Variants in OXR1 observed in about 807,000 individuals in gnomAD.
OXR1 encodes oxidation resistance protein 1.
A neutral mutation model predicts 104.6 loss-of-function variants in OXR1; 41 were observed. The ratio of observed to expected loss-of-function variants is 0.39; its 90% CI spans 0.31 to 0.51. The LOEUF is 0.51. Ranked by LOEUF, OXR1 falls within the 20% of genes least tolerant of loss-of-function variation. The pLI, the probability that OXR1 is intolerant of heterozygous loss-of-function variation, is 0.77. For missense variants in OXR1, 955 were observed against 1,031.9 expected, an observed-to-expected ratio of 0.93 and a Z score of 1.02; for synonymous variants, 348 against 348.4, an observed-to-expected ratio of 1.00 and a Z score of 0.01.
chr8:106,746,898 A>G lies in OXR1; in HGVS notation c.2486+1036A>G, dbSNP rs147641921. Among the ~76,000 whole-genome samples the G allele has an allele frequency of 8.5e-5, 13 of 152,302 alleles. No homozygotes were observed. The East Asian group carries it at 2.3e-3, about 27-fold the overall frequency. ...TAGTGGCTTATAATTTCAAGATTTT[A>G]TGGGTGCTTTAAGTCTTCAAAAATG... is the stretch of plus-strand genomic sequence containing the variant. On this transcript the variant is annotated intron_variant, in intron 16 of 16. Coordinates refer to ENST00000517566, the MANE Select transcript of OXR1 (RefSeq NM_001198533.2).
At chr8:106,710,287 TTATATA>T (rs551404717) in intron 9 of OXR1, among the ~76,000 whole-genome samples, 1 of 150,100 alleles carries the variant, frequency 6.7e-6, no homozygotes, top group African/African-American at 2.4e-5. Context: ...ATGTAGAAAA[TTATATA>T]TATATTATGT....
chr8:106,288,486 C>T (rs1812588944), intron 1 of OXR1, among the ~76,000 whole-genome samples: 2 of 151,444 alleles, frequency 1.3e-5, no homozygotes, highest in Admixed American at 6.6e-5. Flanking sequence ...GATTTAAGAA[C>T]ACCTCCCTTG....
intron 2 of OXR1, among the ~76,000 whole-genome samples, chr8:106,424,828 T>A (rs760906267): frequency 6.6e-6 from 1 of 152,114 alleles, no homozygotes; most frequent in Non-Finnish European, 1.5e-5. Flanking sequence ...GTGTTATTTT[T>A]ATTTCTATTT....
intron 3 of OXR1, among the ~76,000 whole-genome samples, chr8:106,637,611 A>C (rs991348600): frequency 8.5e-5 from 13 of 152,134 alleles, no homozygotes; most frequent in African/African-American, 3.1e-4. Context: ...TATTGGGTTG[A>C]ATTTGCATAG....
intron 3 of OXR1, among the ~76,000 whole-genome samples, chr8:106,566,754 A>C (rs913085152): frequency 6.6e-6 from 1 of 152,214 alleles, no homozygotes; most frequent in Non-Finnish European, 1.5e-5. Flanking sequence ...GATAAAGAAA[A>C]CGTGGCACAT....
At chr8:106,610,981 C>T (rs1044558634) in intron 3 of OXR1, among the ~76,000 whole-genome samples, 1 of 152,174 alleles carries the variant, frequency 6.6e-6, no homozygotes, top group Non-Finnish European at 1.5e-5. Context: ...TGATCTCCTA[C>T]AGTGTTCCAG....
At position 106,540,015 on chromosome 8, in the gene OXR1, A is replaced by G. The variant is rs149662677; in HGVS notation, c.220+20876A>G. Among the ~76,000 whole-genome samples the G allele has an allele frequency of 8.6e-3, 1,317 of 152,304 alleles. 12 individuals carry two copies. The highest frequency in any genetic ancestry group is 0.014 in the Non-Finnish European group (934 of 68,034). On this transcript the variant is annotated intron_variant, in intron 3 of 16. Coordinates refer to ENST00000517566, the MANE Select transcript of OXR1 (RefSeq NM_001198533.2). ...GACTCAAATGGAAAAGTTAATATTT[A>G]AGAAATTTAAATATTTATTTCTTTT...
intron 3 of OXR1, among the ~76,000 whole-genome samples, chr8:106,554,763 A>G (rs1047062164): frequency 5.3e-5 from 8 of 152,134 alleles, no homozygotes; most frequent in Non-Finnish European, 1.2e-4. Context: ...CTCTAAGCCA[A>G]TGTTAGTTGA....
intron 2 of OXR1, among the ~76,000 whole-genome samples, chr8:106,468,340 A>G (rs1821293224): frequency 6.6e-6 from 1 of 151,904 alleles, no homozygotes. Context: ...TTCCCAGAAG[A>G]CTTCTCTGAG....
At chr8:106,713,646 C>T (rs1170579883) in intron 10 of OXR1, among the ~76,000 whole-genome samples, 177 bp from the exon 11 acceptor site, 1 of 151,772 alleles carries the variant, frequency 6.6e-6, no homozygotes, top group Non-Finnish European at 1.5e-5. Context: ...AGAATATAGC[C>T]AAATAAAATG....
At chr8:106,658,772 A>G (rs972141038) in intron 3 of OXR1, among the ~76,000 whole-genome samples, 51 of 152,150 alleles carry the variant, frequency 3.4e-4, no homozygotes, top group African/African-American at 1.2e-3. Context: ...AAACTTTCTC[A>G]GTTCCTGTTT....
intron 3 of OXR1, among the ~76,000 whole-genome samples, chr8:106,524,712 G>C (rs1813524448): frequency 6.6e-6 from 1 of 152,032 alleles, no homozygotes; most frequent in Non-Finnish European, 1.5e-5. Context: ...GTTGAAATGA[G>C]CACACCGGTA....
chr8:106,624,533 A>G (rs751230667), intron 3 of OXR1, among the ~76,000 whole-genome samples: 1 of 152,166 alleles, frequency 6.6e-6, no homozygotes, highest in Non-Finnish European at 1.5e-5. Context: ...AATACCAGTA[A>G]GATGGGACAG....
At chr8:106,428,162 G>T (rs1037437954) in intron 2 of OXR1, among the ~76,000 whole-genome samples, 1 of 152,124 alleles carries the variant, frequency 6.6e-6, no homozygotes, top group Non-Finnish European at 1.5e-5. Flanking sequence ...GGAAGCACAG[G>T]GATACCATGG....
intron 2 of OXR1, among the ~76,000 whole-genome samples, chr8:106,419,225 C>T (rs892763467): frequency 1.3e-5 from 2 of 152,194 alleles, no homozygotes; most frequent in African/African-American, 4.8e-5. Flanking sequence ...GACGAAGCAT[C>T]TTCCTTCCTC....
chr8:106,286,016 C>G (rs1387714892), intron 1 of OXR1, among the ~76,000 whole-genome samples: 1 of 150,124 alleles, frequency 6.7e-6, no homozygotes, highest in Non-Finnish European at 1.5e-5. Flanking sequence ...TGTGACCTAT[C>G]CAGCCAAATA....
At chr8:106,688,868 C>A (rs887947706) in intron 6 of OXR1, among the ~76,000 whole-genome samples, 1 of 152,010 alleles carries the variant, frequency 6.6e-6, no homozygotes, top group Non-Finnish European at 1.5e-5. Context: ...ATGATGACTA[C>A]TAGCAAGTGC....
chr8:106,483,875 A>G (rs1822285657), intron 2 of OXR1, among the ~76,000 whole-genome samples: 1 of 152,070 alleles, frequency 6.6e-6, no homozygotes, highest in Non-Finnish European at 1.5e-5. Flanking sequence ...TGAAGCTATT[A>G]TATCCTAGAC....
At chr8:106,657,942 C>A in intron 3 of OXR1, 1 of 1,247,854 alleles carries the variant, frequency 8.0e-7, no homozygotes, top group African/African-American at 1.5e-5. Context: ...CCGCCGAAAC[C>A]GTCGACCTCC....
Sources: gnomAD v4.1 joint callset for allele counts (sites outside exome capture counted in the v4.1 genomes callset) on GRCh38, gnomAD v4.1.1 for gene constraint, MANE v1.5 for transcripts, NCBI Gene and HGNC (gene_info 2026-07-23, HGNC 2026-07-21) for gene names.